CFAP69: variants seen among roughly 807,000 people sequenced by gnomAD.
CFAP69 encodes the protein cilia- and flagella-associated protein 69.
CFAP69 carries 92 observed loss-of-function variants against 123.0 expected under a neutral mutation model. The observed-to-expected ratio is 0.75, with a 90% CI of 0.63 to 0.89. The LOEUF (loss-of-function observed/expected upper bound fraction) is 0.89. Ranked by LOEUF, CFAP69 falls within the 40% of genes least tolerant of loss-of-function variation. CFAP69 has a pLI of 0.00. For missense variants in CFAP69, 1,067 were observed against 1,096.9 expected (o/e 0.97, Z 0.39); for synonymous variants, 380 against 364.3 (o/e 1.04, Z -0.49).
At chr7:90,286,575 T>A in intron 14 of CFAP69, 176 bp downstream of exon 14, 1 of 526,026 alleles carries the variant, frequency 1.9e-6, no homozygotes, top group Non-Finnish European at 3.1e-6. Flanking sequence ...TACACCCATT[T>A]AACTCATACC....
the CFAP69 span, chr7:90,319,728 T>C: frequency 1.0e-5 from 4 of 398,488 alleles, no homozygotes; most frequent in Admixed American, 1.3e-4. Flanking sequence ...GATAGAACCA[T>C]CTTCTTGTAG....
At chr7:90,260,960 T>C (rs1798240692) in intron 3 of CFAP69, among the ~76,000 whole-genome samples, 1 of 152,152 alleles carries the variant, frequency 6.6e-6, no homozygotes, top group Non-Finnish European at 1.5e-5. Context: ...TCCCATCTTT[T>C]CCTAAAAGGT....
chr7:90,248,346 C>T (rs1409399979), intron 1 of CFAP69, among the ~76,000 whole-genome samples: 2 of 152,184 alleles, frequency 1.3e-5, no homozygotes, highest in East Asian at 1.9e-4. Flanking sequence ...GTAAAATGTA[C>T]GGGTTATTTT....
At chr7:90,259,548 C>T (rs1215366177) in intron 3 of CFAP69, among the ~76,000 whole-genome samples, 11 of 152,006 alleles carry the variant, frequency 7.2e-5, no homozygotes, top group African/African-American at 1.7e-4. Flanking sequence ...TGGAGTATAG[C>T]GGGGCAGTCA....
chr7:90,304,673 AG>A, intron 18 of CFAP69, 70 bp from the exon 19 acceptor site: 1 of 1,514,022 alleles, frequency 6.6e-7, no homozygotes, highest in Non-Finnish European at 8.9e-7. Context: ...ATAGATAGAT[AG>A]ATAGATAGAT....
chr7:90,267,354 T>G (rs1302004595), intron 5 of CFAP69, among the ~76,000 whole-genome samples: 2 of 152,124 alleles, frequency 1.3e-5, no homozygotes, highest in East Asian at 1.9e-4. Context: ...CTAATTATTC[T>G]TTTACTCTCA....
At chr7:90,291,365 G>A (rs1221743736) in intron 15 of CFAP69, among the ~76,000 whole-genome samples, 1 of 152,154 alleles carries the variant, frequency 6.6e-6, no homozygotes, top group Non-Finnish European at 1.5e-5. Flanking sequence ...GTGAGGACAA[G>A]CAGAGGTTAT....
chr7:90,323,163 C>T, the CFAP69 span, among the ~76,000 whole-genome samples: 21 of 152,266 alleles, frequency 1.4e-4, no homozygotes, highest in South Asian at 3.3e-3. Context: ...AGAAATTTTA[C>T]TCTTGGTGTC....
At chr7:90,316,145 A>G in the CFAP69 span, among the ~76,000 whole-genome samples, 1 of 152,210 alleles carries the variant, frequency 6.6e-6, no homozygotes, top group Non-Finnish European at 1.5e-5. Context: ...AACTTTAGAC[A>G]TAGATAATTA....
At chr7:90,255,270 GT>G (rs1797506997) in intron 1 of CFAP69, among the ~76,000 whole-genome samples, 152 bp from the exon 2 acceptor site, 1 of 152,158 alleles carries the variant, frequency 6.6e-6, no homozygotes, top group African/African-American at 2.4e-5. Context: ...ATTCCTGTGA[GT>G]TTTCATCTAC....
At chr7:90,316,217 C>T in the CFAP69 span, among the ~76,000 whole-genome samples, 1 of 152,178 alleles carries the variant, frequency 6.6e-6, no homozygotes, top group East Asian at 1.9e-4. Context: ...CCTTTGCCAC[C>T]TTTTTTCTCC....
intron 2 of CFAP69, 44 bp from the exon 3 acceptor site, chr7:90,258,054 A>C: frequency 7.1e-7 from 1 of 1,414,604 alleles, no homozygotes; most frequent in Non-Finnish European, 9.8e-7. Context: ...AAATCTCAAC[A>C]GATTTAAAAG....
At chr7:90,292,789 T>C (rs1791390422) in intron 15 of CFAP69, among the ~76,000 whole-genome samples, 1 of 152,184 alleles carries the variant, frequency 6.6e-6, no homozygotes, top group South Asian at 2.1e-4. Context: ...TCCACAAAAT[T>C]AATTTCTGTT....
intron 1 of CFAP69, among the ~76,000 whole-genome samples, chr7:90,255,209 T>C (rs1219880178): frequency 2.6e-5 from 4 of 152,230 alleles, no homozygotes; most frequent in African/African-American, 9.6e-5. Context: ...AACATTAAGA[T>C]TATACAAAAT....
In CFAP69 at chr7:90,277,347, C is replaced by G; in HGVS notation, c.1155+13C>G. 1 of 1,473,224 alleles carries G rather than the reference C, an allele frequency of 6.8e-7. No homozygotes were observed. The highest frequency in any genetic ancestry group is 9.0e-7 in the Non-Finnish European group (1 of 1,112,786). The allele number at this position is 1,473,224 out of a possible 1,614,324, so 91.3% of individuals were successfully genotyped here. On this transcript the variant is annotated intron_variant, in intron 11 of 22. Transcript: ENST00000389297. ...ACCTACTGTACAGGTAAAGAGTAAT[C>G]AAGGCAGGAAAATCAATAAAAATTG...
chr7:90,273,582 A>T (rs1445511310), intron 8 of CFAP69, among the ~76,000 whole-genome samples: 5 of 152,180 alleles, frequency 3.3e-5, no homozygotes, highest in African/African-American at 4.8e-5. Context: ...TTGTTGATAG[A>T]CATTCAGGAA....
intron 15 of CFAP69, among the ~76,000 whole-genome samples, chr7:90,289,499 G>T (rs17868842): frequency 6.6e-6 from 1 of 151,886 alleles, no homozygotes; most frequent in Non-Finnish European, 1.5e-5. Context: ...TTGTTTTTTA[G>T]AGTTCTTTAT....
At chr7:90,261,770 A>T (rs1396975587) in intron 3 of CFAP69, among the ~76,000 whole-genome samples, 177 bp from the exon 4 acceptor site, 1 of 152,296 alleles carries the variant, frequency 6.6e-6, no homozygotes, top group East Asian at 1.9e-4. Context: ...TGGTTTTTTT[A>T]AAAATATGGT....
At chr7:90,283,760 G>A (rs764772127) in intron 13 of CFAP69, among the ~76,000 whole-genome samples, 1 of 152,028 alleles carries the variant, frequency 6.6e-6, no homozygotes, top group African/African-American at 2.4e-5. Flanking sequence ...TTCAGTGATT[G>A]CTTCACTAGT....
Sources: allele counts gnomAD v4.1 joint callset (sites outside exome capture counted in the v4.1 genomes callset), GRCh38; gene constraint gnomAD v4.1.1; transcripts MANE v1.5; gene names NCBI Gene and HGNC (gene_info 2026-07-23, HGNC 2026-07-21).